The following MTERF4 variants were observed in gnomAD, a reference collection of about 807,000 sequenced individuals.
MTERF4 encodes the protein mitochondrial transcription termination factor 4.
A neutral mutation model predicts 22.5 loss-of-function variants in MTERF4; 17 were observed. The ratio of observed to expected loss-of-function variants is 0.75; its 90% CI spans 0.52 to 1.13. The LOEUF is 1.13. Among genes scored for constraint, MTERF4 ranks in the 50% most tolerant of loss-of-function variants. MTERF4 has a pLI of 0.00. For missense variants in MTERF4, 420 were observed against 466.8 expected (o/e 0.90, Z 0.92); for synonymous variants, 165 against 175.3 (o/e 0.94, Z 0.47).
At chr2:241,048,537 A>G in the MTERF4 span, 4 of 1,501,766 alleles carry the variant, frequency 2.7e-6, no homozygotes, top group Non-Finnish European at 3.6e-6. Context: ...CCCGAAAAGA[A>G]ACGTGTGAGT....
chr2:241,064,728 C>A, the MTERF4 span: 3 of 693,796 alleles, frequency 4.3e-6, 1 homozygote, highest in South Asian at 5.8e-5. The surrounding 1 kb of genome is among the most constrained non-coding windows in gnomAD (Gnocchi z 7.0). Context: ...TGTCCTGTGC[C>A]CCCCGCCCCT....
the MTERF4 span, among the ~76,000 whole-genome samples, chr2:241,053,633 A>G: frequency 6.6e-6 from 1 of 152,238 alleles, no homozygotes; most frequent in Non-Finnish European, 1.5e-5. Context: ...GAGGTAGCCC[A>G]GGGGCAGAGT....
chr2:241,053,273 G>A, the MTERF4 span: 6 of 1,602,056 alleles, frequency 3.7e-6, no homozygotes, highest in Middle Eastern at 5.0e-4. Flanking sequence ...GCCCCCAGCC[G>A]CATCCGGGTC....
chr2:241,090,010 C>A, downstream of MTERF4: 1 of 1,549,018 alleles, frequency 6.5e-7, no homozygotes, highest in South Asian at 1.2e-5. Context: ...AGCTGGAATG[C>A]GCAGGACTGG....
downstream of MTERF4, among the ~76,000 whole-genome samples, chr2:241,084,230 G>A (rs1158752578): frequency 6.7e-6 from 1 of 149,624 alleles, no homozygotes; most frequent in Non-Finnish European, 1.5e-5. Flanking sequence ...TCTGCCTCCT[G>A]GGTTCAAGCA....
At chr2:241,069,263 A>G (rs1039507577), downstream of MTERF4, among the ~76,000 whole-genome samples, 1 of 152,120 alleles carries the variant, frequency 6.6e-6, no homozygotes, top group Admixed American at 6.5e-5. This position sits in a 1 kb window ranked among gnomAD's most constrained non-coding sequence, Gnocchi z 4.9. Flanking sequence ...GTAGCTCCTC[A>G]GCATGGAGTT....
chr2:241,079,281 A>G (rs1054861436), intron 4 of MTERF4, among the ~76,000 whole-genome samples: 2 of 151,328 alleles, frequency 1.3e-5, no homozygotes, highest in South Asian at 2.1e-4. Flanking sequence ...GCGCAGTGGC[A>G]GGCGCCTGTA....
At chr2:241,057,724 C>T in the MTERF4 span, among the ~76,000 whole-genome samples, 1 of 151,996 alleles carries the variant, frequency 6.6e-6, no homozygotes, top group Non-Finnish European at 1.5e-5. Context: ...ACCTAAATAT[C>T]TTTATTCAGT....
chr2:241,049,944 C>T, the MTERF4 span: 1 of 1,604,976 alleles, frequency 6.2e-7, no homozygotes, highest in South Asian at 1.1e-5. Context: ...GTATGGCGGG[C>T]AGGGGCGTCC....
the MTERF4 span, chr2:241,050,053 C>G: frequency 1.3e-5 from 10 of 767,752 alleles, no homozygotes; most frequent in East Asian, 2.7e-4. Context: ...CGTCTAGAGC[C>G]TTGCCTGATG....
At chr2:241,067,673 C>A, downstream of MTERF4, 2 of 1,102,380 alleles carry the variant, frequency 1.8e-6, no homozygotes, top group Non-Finnish European at 2.6e-6. Flanking sequence ...TGGCCCCCAG[C>A]ACCCTCCCAA....
At chr2:241,090,535 T>TATG, downstream of MTERF4, 2 of 1,411,908 alleles carry the variant, frequency 1.4e-6, no homozygotes, top group Admixed American at 4.6e-5. Flanking sequence ...TACATAATTG[T>TATG]ATGTGCTAGA....
rs1302346481 is a variant in MTERF4, at chr2:241,073,562, C to T, written n.2600G>A. The T allele has an allele frequency of 2.9e-5, 18 of 627,888 alleles. No individual in the cohort carries two copies. Among genetic ancestry groups the T allele is most frequent in the Non-Finnish European group, 4.4e-5 (15 of 344,240 alleles). 38.9% of individuals were successfully genotyped at this position (627,888 alleles called of 1,614,324 possible). A position where few individuals can be genotyped will look rare whatever the true frequency, so the allele number is the denominator to read the frequency against. Reference sequence around the variant, plus strand: ...CACCCAAGCAGTGGGACCCCACAGACGGGAACAGGCCAGGGGGCAGGACCC... The same window carrying T: ...CACCCAAGCAGTGGGACCCCACAGATGGGAACAGGCCAGGGGGCAGGACCC... On this transcript the variant is annotated non_coding_transcript_exon_variant, in exon 5 of 5. Transcript: ENST00000464344. The surrounding 1 kb of genome is among the most constrained non-coding windows in gnomAD (Gnocchi z 6.6).
the MTERF4 span, chr2:241,048,209 A>G: frequency 7.6e-7 from 1 of 1,313,232 alleles, no homozygotes; most frequent in Middle Eastern, 1.9e-4. Context: ...TCCACTTGGG[A>G]ATGACAACAG....
chr2:241,049,007 C>T, the MTERF4 span: 3 of 1,598,394 alleles, frequency 1.9e-6, no homozygotes, highest in Non-Finnish European at 2.6e-6. Context: ...ATGGGGCTTC[C>T]TCCTTTCTCT....
downstream of MTERF4, among the ~76,000 whole-genome samples, chr2:241,068,359 G>A (rs1241382350): frequency 6.8e-6 from 1 of 147,714 alleles, no homozygotes; most frequent in Admixed American, 6.6e-5. This position sits in a 1 kb window ranked among gnomAD's most constrained non-coding sequence, Gnocchi z 5.3. Flanking sequence ...GAGGGTAGAT[G>A]GTAGCAGCCC....
chr2:241,057,380 A>AATATATATAT, the MTERF4 span, among the ~76,000 whole-genome samples: 439 of 118,066 alleles, frequency 3.7e-3, 8 homozygotes, highest in African/African-American at 0.012. Context: ...TCCATCTCAA[A>AATATATATAT]ATATATATAT....
chr2:241,097,489 T>C, intron 2 of MTERF4, 62 bp from the exon 3 acceptor site: 2 of 1,486,802 alleles, frequency 1.3e-6, no homozygotes, highest in Non-Finnish European at 1.8e-6. Context: ...CTCAAGGAGC[T>C]AGCTGCACCC....
the MTERF4 span, chr2:241,063,926 C>G: frequency 9.3e-7 from 1 of 1,076,220 alleles, no homozygotes. Context: ...CCCTAGACTC[C>G]TCCTTTCCCT....
Sources: allele counts gnomAD v4.1 joint callset (sites outside exome capture counted in the v4.1 genomes callset), GRCh38; gene constraint gnomAD v4.1.1; non-coding constraint Gnocchi (gnomAD v3.1); transcripts MANE v1.5; gene names NCBI Gene and HGNC (gene_info 2026-07-23, HGNC 2026-07-21).